Variants in TRAF3 observed in about 807,000 individuals in gnomAD.
The protein encoded by TRAF3 is TNF receptor associated factor 3.
Under a neutral mutation model 62.3 loss-of-function variants are expected in TRAF3, and 13 were observed. The ratio of observed to expected loss-of-function variants is 0.21; its 90% CI spans 0.14 to 0.33. TRAF3 has a LOEUF of 0.33. Ranked by LOEUF, TRAF3 falls within the 10% of genes least tolerant of loss-of-function variation. The probability of loss-of-function intolerance (pLI) is 1.00; values close to 1 mark genes in which losing one functional copy is unlikely to be tolerated. For synonymous variants in TRAF3, 269 were observed against 283.4 expected, an observed-to-expected ratio of 0.95 and a Z score of 0.51; for missense variants, 440 against 741.8, an observed-to-expected ratio of 0.59 and a Z score of 4.73.
intron 1 of TRAF3, among the ~76,000 whole-genome samples, chr14:102,820,747 A>T (rs1381608420): frequency 6.9e-6 from 1 of 144,304 alleles, no homozygotes; most frequent in Non-Finnish European, 1.5e-5. Context: ...CCCCCACCTC[A>T]GCCTCTTGAG....
intron 4 of TRAF3, among the ~76,000 whole-genome samples, chr14:102,872,677 C>T (rs1242690428): frequency 6.7e-6 from 1 of 148,202 alleles, no homozygotes; most frequent in Non-Finnish European, 1.5e-5. Context: ...TTTTCTTTCT[C>T]TCTCCTTTCT....
intron 1 of TRAF3, among the ~76,000 whole-genome samples, chr14:102,814,292 C>T (rs1190064896): frequency 6.6e-6 from 1 of 152,154 alleles, no homozygotes; most frequent in East Asian, 1.9e-4. Flanking sequence ...TTTATAGACA[C>T]ATACCAGTTG....
chr14:102,845,243 C>G (rs987703271), intron 2 of TRAF3, among the ~76,000 whole-genome samples: 6 of 151,132 alleles, frequency 4.0e-5, no homozygotes, highest in African/African-American at 1.5e-4. Flanking sequence ...CACTTTGTTG[C>G]CCAGGCTGGA....
At chr14:102,848,542 A>G (rs993787710) in intron 2 of TRAF3, among the ~76,000 whole-genome samples, 1 of 152,232 alleles carries the variant, frequency 6.6e-6, no homozygotes, top group Non-Finnish European at 1.5e-5. Context: ...GATAAATTGA[A>G]AAGTGTCAAG....
At chr14:102,778,502 C>T (rs1056947175) in intron 1 of TRAF3, among the ~76,000 whole-genome samples, 1 of 152,180 alleles carries the variant, frequency 6.6e-6, no homozygotes, top group Non-Finnish European at 1.5e-5. Context: ...AGATTACGAG[C>T]TGTTGACGGG....
chr14:102,850,712 A>AAAAT lies in TRAF3; in HGVS notation c.-17-19473_-17-19472insAAAT, dbSNP rs1174900532. Among the ~76,000 whole-genome samples the AAAAT allele has an allele frequency of 2.0e-5, 3 of 150,020 alleles. No individual in the cohort carries two copies. In the East Asian group the frequency reaches 6.0e-4, roughly 30 times the overall value. ...CTAAAAAAAAAAAAAAAAAAAAAAA[A>AAAAT]GTTACAGCGCTCAGAGTGCCAGATG... On this transcript the variant is annotated intron_variant, in intron 2 of 11. Transcript: ENST00000392745.
intron 4 of TRAF3, 31 bp from the exon 5 acceptor site, chr14:102,875,593 A>C (rs369976205): frequency 1.3e-6 from 2 of 1,589,164 alleles, no homozygotes; most frequent in African/African-American, 2.7e-5. Flanking sequence ...AGAAATATTA[A>C]TCCTCCAAAA....
In TRAF3 at chr14:102,790,752, CTG is replaced by C. The variant is rs57224328; in HGVS notation, c.-157+13079_-157+13080del. On this transcript the variant is annotated intron_variant, in intron 1 of 11. Coordinates refer to ENST00000392745, the MANE Select transcript of TRAF3 (RefSeq NM_145725.3). ...GGACACAGCCAAACCATATCACACA[CTG>C]TTTTGATTACTGAAGCTTTGTAGTA... Among the ~76,000 whole-genome samples the C allele has an allele frequency of 3.9e-3, 592 of 152,252 alleles. 3 individuals are homozygous for C. The highest frequency in any genetic ancestry group is 0.014 in the African/African-American group (568 of 41,550).
intron 6 of TRAF3, among the ~76,000 whole-genome samples, chr14:102,882,179 A>T (rs945150527): frequency 6.6e-6 from 1 of 152,232 alleles, no homozygotes; most frequent in Non-Finnish European, 1.5e-5. Context: ...CTTTCATTTG[A>T]TCTGGGCCTT....
intron 1 of TRAF3, among the ~76,000 whole-genome samples, chr14:102,789,792 T>G (rs146120011): frequency 6.6e-6 from 1 of 152,242 alleles, no homozygotes; most frequent in African/African-American, 2.4e-5. Flanking sequence ...TGTTGAGTTC[T>G]TTATATATTC....
Position 102,905,724 on chromosome 14 carries a change from T to G in TRAF3, c.1647T>G (p.Ile549Met). The change falls in exon 12 of 12, where the codon ATT becomes ATG. Residue 549 changes from isoleucine (I) to methionine (M), a missense_variant. Coordinates refer to ENST00000392745, the MANE Select transcript of TRAF3 (RefSeq NM_145725.3). The part of the protein sequence containing the change: ...AQTVLENGTY[I>M]KDDTIFIKVI... ...CTGTTCTAGAAAATGGGACATATAT[T>G]AAAGATGATACAATTTTTATTAAAG... is the stretch of plus-strand genomic sequence containing the variant. 1 of 1,612,576 alleles carries G rather than the reference T, an allele frequency of 6.2e-7. No individual in the cohort carries two copies. Among genetic ancestry groups the G allele is most frequent in the Non-Finnish European group, 8.5e-7 (1 of 1,179,026 alleles).
At chr14:102,800,602 TATGTG>T (rs1898337946) in intron 1 of TRAF3, among the ~76,000 whole-genome samples, 1 of 152,202 alleles carries the variant, frequency 6.6e-6, no homozygotes, top group Non-Finnish European at 1.5e-5. Flanking sequence ...GGCCTGAACT[TATGTG>T]AGGCTATTTA....
At chr14:102,823,093 G>C (rs1900083808) in intron 1 of TRAF3, among the ~76,000 whole-genome samples, 1 of 152,184 alleles carries the variant, frequency 6.6e-6, no homozygotes, top group South Asian at 2.1e-4. Context: ...TTGACTAGGT[G>C]CTTTCTGTGA....
At position 102,798,200 on chromosome 14, in the gene TRAF3, C is replaced by G. The variant is rs192144673; in HGVS notation, c.-157+20525C>G. ...TTTAAAACATTTAAGTGAGCACTGA[C>G]CAAATCTAGCTTAGTTCAGAAAACC... On this transcript the variant is annotated intron_variant, in intron 1 of 11. Transcript: ENST00000392745. Among the ~76,000 whole-genome samples, 601 of 152,078 alleles carry G rather than the reference C, an allele frequency of 4.0e-3. 2 individuals are homozygous for G. Among genetic ancestry groups the G allele is most frequent in the Non-Finnish European group, 6.2e-3 (420 of 67,996 alleles).
At chr14:102,886,564 T>G (rs745426626) in intron 7 of TRAF3, among the ~76,000 whole-genome samples, 68 of 152,112 alleles carry the variant, frequency 4.5e-4, no homozygotes, top group Non-Finnish European at 6.8e-4. Context: ...AGAACCAGAC[T>G]GGCCAATGTG....
intron 4 of TRAF3, among the ~76,000 whole-genome samples, chr14:102,874,216 TGATTGCACCAGTGCGCTC>T (rs540263873): frequency 5.6e-4 from 85 of 152,318 alleles, no homozygotes; most frequent in Admixed American, 2.0e-3. Context: ...AGTGAAGCCA[TGATTGCACCAGTGCGCTC>T]CAGCCTGGGT....
At chr14:102,899,837 G>A (rs1026296270) in intron 10 of TRAF3, among the ~76,000 whole-genome samples, 2 of 152,238 alleles carry the variant, frequency 1.3e-5, no homozygotes, top group African/African-American at 4.8e-5. Context: ...TCCGGGGAAC[G>A]ATGAGTTCTT....
intron 2 of TRAF3, among the ~76,000 whole-genome samples, chr14:102,833,833 A>C (rs904802634): frequency 6.6e-6 from 1 of 152,012 alleles, no homozygotes; most frequent in East Asian, 1.9e-4. Context: ...TCTCTACTAA[A>C]AATACAAAAA....
intron 9 of TRAF3, among the ~76,000 whole-genome samples, chr14:102,892,400 G>A (rs752370579): frequency 2.6e-5 from 4 of 152,174 alleles, no homozygotes; most frequent in Non-Finnish European, 5.9e-5. Flanking sequence ...GCCTATAGGC[G>A]CAGGAGCAAG....
Sources: gnomAD v4.1 joint callset for allele counts (sites outside exome capture counted in the v4.1 genomes callset) on GRCh38, gnomAD v4.1.1 for gene constraint, MANE v1.5 for transcripts, NCBI Gene and HGNC (gene_info 2026-07-23, HGNC 2026-07-21) for gene names.